The following TBC1D22A variants were observed in gnomAD, a reference collection of about 807,000 sequenced individuals.
TBC1D22A encodes the protein putative GTPase activator.
TBC1D22A carries 38 observed loss-of-function variants against 60.2 expected under a neutral mutation model. The ratio of observed to expected loss-of-function variants is 0.63; its 90% CI spans 0.49 to 0.83. The LOEUF (loss-of-function observed/expected upper bound fraction) is 0.83. TBC1D22A is among the 40% of genes least tolerant of loss of function. The pLI, the probability that TBC1D22A is intolerant of heterozygous loss-of-function variation, is 0.00. For synonymous variants in TBC1D22A, 302 were observed against 281.7 expected (o/e 1.07, Z -0.72); for missense variants, 628 against 701.0 (o/e 0.90, Z 1.18).
Position 47,030,733 on chromosome 22 carries a change from T to G in TBC1D22A, c.1202-6338T>G, listed in dbSNP as rs182413422. ...AGAATTATTGCCAACCAAATTACCT[T>G]TATCAGTGAAAGAGCATCTGCTCGC... On this transcript the variant is annotated intron_variant, in intron 10 of 12. Coordinates refer to ENST00000337137, the MANE Select transcript of TBC1D22A (RefSeq NM_014346.5). 1.4e-4 allele frequency among the ~76,000 whole-genome samples: 21 copies of G among 152,332 alleles called. No individual in the cohort carries two copies. In the East Asian group the frequency reaches 3.9e-3, roughly 28 times the overall value.
chr22:46,801,290 A>G (rs1043890247), intron 4 of TBC1D22A, among the ~76,000 whole-genome samples: 1 of 152,242 alleles, frequency 6.6e-6, no homozygotes, highest in East Asian at 1.9e-4. Flanking sequence ...TTTGGAAGAC[A>G]GTGGAATGTA....
chr22:47,095,010 C>T (rs2065117237), intron 11 of TBC1D22A, among the ~76,000 whole-genome samples: 2 of 152,234 alleles, frequency 1.3e-5, no homozygotes, highest in Admixed American at 6.5e-5. Context: ...TGGGTAGCAA[C>T]AGGCTCATTT....
At chr22:47,058,587 C>T (rs1168355982) in intron 11 of TBC1D22A, among the ~76,000 whole-genome samples, 1 of 151,932 alleles carries the variant, frequency 6.6e-6, no homozygotes, top group East Asian at 1.9e-4. Flanking sequence ...TTGCTCCAGG[C>T]CACTGTCCCC....
chr22:46,790,039 C>G (rs1195869741), intron 1 of TBC1D22A, among the ~76,000 whole-genome samples: 10 of 152,260 alleles, frequency 6.6e-5, no homozygotes, highest in Admixed American at 6.5e-4. Flanking sequence ...TGTGACTGCT[C>G]TAGCAAATCA....
At chr22:46,804,210 T>C (rs533625816) in intron 4 of TBC1D22A, among the ~76,000 whole-genome samples, 2 of 152,366 alleles carry the variant, frequency 1.3e-5, no homozygotes, top group South Asian at 4.1e-4. Context: ...CCCCCGGCCT[T>C]GGCCCCTTTT....
intron 12 of TBC1D22A, among the ~76,000 whole-genome samples, chr22:47,151,527 G>A (rs2067501717): frequency 6.6e-6 from 1 of 152,222 alleles, no homozygotes; most frequent in Non-Finnish European, 1.5e-5. Flanking sequence ...AGGTAGCCTT[G>A]GAAGCTTGGT....
At chr22:47,014,234 C>T (rs954845792) in intron 10 of TBC1D22A, among the ~76,000 whole-genome samples, 12 of 152,228 alleles carry the variant, frequency 7.9e-5, no homozygotes, top group African/African-American at 2.9e-4. Flanking sequence ...GAGGACCACT[C>T]CTCCATCTGC....
chr22:47,103,426 G>T (rs1160511624), intron 11 of TBC1D22A, among the ~76,000 whole-genome samples: 1 of 152,204 alleles, frequency 6.6e-6, no homozygotes, highest in Non-Finnish European at 1.5e-5. Flanking sequence ...ATTCCCTCGT[G>T]GGGCAGCAGA....
chr22:47,147,286 A>G (rs2067317815), intron 12 of TBC1D22A, among the ~76,000 whole-genome samples: 1 of 152,238 alleles, frequency 6.6e-6, no homozygotes, highest in Non-Finnish European at 1.5e-5. Flanking sequence ...AGGCAATGCC[A>G]GAGATTAAAT....
At position 47,064,586 on chromosome 22, in the gene TBC1D22A, G is replaced by A. The variant is rs547418376; in HGVS notation, c.1329+27388G>A. 6.6e-5 allele frequency among the ~76,000 whole-genome samples: 10 copies of A among 152,330 alleles called. 1 individual carries two copies. The South Asian group carries it at 2.1e-3, about 32-fold the overall frequency. ...TGGCTTTAAGGCCAAGCTGGGCCTG[G>A]CCCTGCCCAGCCGTGCTCAGCACTG... On this transcript the variant is annotated intron_variant, in intron 11 of 12. Coordinates refer to ENST00000337137, the MANE Select transcript of TBC1D22A (RefSeq NM_014346.5).
chr22:47,147,257 A>G lies in TBC1D22A; in HGVS notation c.1426-26241A>G, dbSNP rs374599225. 2.4e-4 allele frequency among the ~76,000 whole-genome samples: 36 copies of G among 152,244 alleles called. 1 individual carries two copies. Among genetic ancestry groups the G allele is most frequent in the African/African-American group, 8.0e-4 (33 of 41,464 alleles). On this transcript the variant is annotated intron_variant, in intron 12 of 12. Coordinates refer to ENST00000337137, the MANE Select transcript of TBC1D22A (RefSeq NM_014346.5). Reference sequence around the variant, plus strand: ...AACTCGGAGTCGGTCTGCTTTTGCTATAATCAGTTGCCAAGCACAGGCAAT... The same window carrying G: ...AACTCGGAGTCGGTCTGCTTTTGCTGTAATCAGTTGCCAAGCACAGGCAAT...
chr22:47,069,516 C>T (rs955801120), intron 11 of TBC1D22A, among the ~76,000 whole-genome samples: 1 of 152,202 alleles, frequency 6.6e-6, no homozygotes, highest in Non-Finnish European at 1.5e-5. Context: ...TGGCATGGTG[C>T]AAGTGCATCT....
At chr22:46,988,918 G>T (rs929766698) in intron 9 of TBC1D22A, among the ~76,000 whole-genome samples, 1 of 152,228 alleles carries the variant, frequency 6.6e-6, no homozygotes, top group Non-Finnish European at 1.5e-5. Flanking sequence ...CCAGTAGAAG[G>T]CTGTTTCATC....
At chr22:47,064,010 A>T (rs75411288) in intron 11 of TBC1D22A, among the ~76,000 whole-genome samples, 1 of 44,446 alleles carries the variant, frequency 2.2e-5, no homozygotes, top group African/African-American at 1.4e-4. Context: ...GACACCCGTC[A>T]TTGGATCAGG....
At chr22:46,890,761 G>A (rs926626838) in intron 5 of TBC1D22A, among the ~76,000 whole-genome samples, 3 of 152,192 alleles carry the variant, frequency 2.0e-5, no homozygotes, top group Non-Finnish European at 4.4e-5. Context: ...ATGAGTCTTT[G>A]AAGATAGCAC....
At chr22:47,099,178 C>T (rs2065310492) in intron 11 of TBC1D22A, among the ~76,000 whole-genome samples, 1 of 152,214 alleles carries the variant, frequency 6.6e-6, no homozygotes, top group Non-Finnish European at 1.5e-5. Flanking sequence ...AGTGCAGACC[C>T]TGCTCTTCAG....
intron 12 of TBC1D22A, among the ~76,000 whole-genome samples, chr22:47,168,407 A>G (rs554911552): frequency 3.0e-4 from 45 of 151,400 alleles, no homozygotes; most frequent in African/African-American, 9.8e-4. Context: ...GGGAGAACTC[A>G]CTGCCCAGCC....
chr22:47,170,722 C>A (rs1337857851), intron 12 of TBC1D22A, among the ~76,000 whole-genome samples: 3 of 136,150 alleles, frequency 2.2e-5, no homozygotes, highest in African/African-American at 1.0e-4. Flanking sequence ...TGATGCAGGA[C>A]CGGAGAGAGG....
intron 8 of TBC1D22A, among the ~76,000 whole-genome samples, chr22:46,952,541 C>G (rs1277177141): frequency 6.6e-6 from 1 of 152,152 alleles, no homozygotes; most frequent in Non-Finnish European, 1.5e-5. Flanking sequence ...GGGTGTTGGC[C>G]TGCAAGGTTA....
Sources: allele counts gnomAD v4.1 joint callset (sites outside exome capture counted in the v4.1 genomes callset), GRCh38; gene constraint gnomAD v4.1.1; transcripts MANE v1.5; gene names NCBI Gene and HGNC (gene_info 2026-07-23, HGNC 2026-07-21).